SCAF4: variants seen among roughly 807,000 people sequenced by gnomAD.
The protein encoded by SCAF4 is SR-related and CTD-associated factor 4.
SCAF4 carries 25 observed loss-of-function variants against 129.8 expected under a neutral mutation model. That is an observed-to-expected ratio of 0.19 (90% CI 0.14 to 0.27). SCAF4 has a LOEUF of 0.27. SCAF4 is among the 10% of genes least tolerant of loss of function. The pLI, the probability that SCAF4 is intolerant of heterozygous loss-of-function variation, is 1.00. For missense variants in SCAF4, 1,246 were observed against 1,457.1 expected, an observed-to-expected ratio of 0.86 and a Z score of 2.36; for synonymous variants, 551 against 497.7, an observed-to-expected ratio of 1.11 and a Z score of -1.43.
rs2050382537 is a variant in SCAF4, at chr21:31,696,238, A to C, written c.960-17T>G. 6.3e-6 allele frequency: 10 copies of C among 1,588,476 alleles called. No homozygotes were observed. Among genetic ancestry groups the C allele is most frequent in the Non-Finnish European group, 8.6e-6 (10 of 1,156,988 alleles). ...GGAAAGCCACTAAAAAAAGGTGGAT[A>C]ATCTTTTACCCATTCAAAAGCACAA... On this transcript the variant is annotated splice_polypyrimidine_tract_variant and intron_variant, in intron 8 of 19. Transcript: ENST00000286835.
chr21:31,690,245 G>T (rs1389539988), intron 15 of SCAF4, among the ~76,000 whole-genome samples: 1 of 152,180 alleles, frequency 6.6e-6, no homozygotes, highest in Non-Finnish European at 1.5e-5. Context: ...AACTCTATGG[G>T]AGGTCGAGGT....
chr21:31,717,714 T>A (rs568892860), intron 1 of SCAF4, among the ~76,000 whole-genome samples: 1 of 150,892 alleles, frequency 6.6e-6, no homozygotes, highest in African/African-American at 2.4e-5. Flanking sequence ...AATTAAAAAA[T>A]TAAATTAAAA....
intron 12 of SCAF4, 63 bp from the exon 13 acceptor site, chr21:31,692,512 C>A: frequency 9.2e-7 from 1 of 1,083,686 alleles, no homozygotes; most frequent in Non-Finnish European, 1.4e-6. Context: ...CTGTAGCTTA[C>A]ATTAAAAAAT....
At chr21:31,675,275 AC>A (rs2049823698) in intron 19 of SCAF4, among the ~76,000 whole-genome samples, 1 of 152,178 alleles carries the variant, frequency 6.6e-6, no homozygotes, top group Admixed American at 6.5e-5. Flanking sequence ...GGTGCAGAAA[AC>A]CAAGTAATTT....
rs2050280954 is a variant in SCAF4 at position 31,692,418 on chromosome 21, C to T, written c.1545G>A (p.Leu515=). 7 of 1,613,806 alleles carry T rather than the reference C, an allele frequency of 4.3e-6. No individual in the cohort carries two copies. In the South Asian group the frequency reaches 4.4e-5, roughly 10 times the overall value. Residue 515 remains leucine (L), a synonymous_variant, in exon 13 of 20, where the codon CTG becomes CTA. Coordinates refer to ENST00000286835, the MANE Select transcript of SCAF4 (RefSeq NM_020706.2). ...VCSTTLWVGQ[L]DKRTTQQDVA... is the part of the protein sequence containing the mutation. ...CATCCTGCTGAGTAGTTCTTTTGTC[C>T]AGCTGCCCCACCCAGAGGGTAGTAC... is the stretch of plus-strand genomic sequence containing the variant.
chr21:31,673,593 C>G (rs2049771399), intron 19 of SCAF4, among the ~76,000 whole-genome samples: 1 of 151,012 alleles, frequency 6.6e-6, no homozygotes, highest in Admixed American at 6.6e-5. Context: ...AAGTACAGGA[C>G]ACCAGCTACA....
chr21:31,690,708 G>A (rs1050515785), intron 15 of SCAF4, 89 bp downstream of exon 15: 51 of 1,200,416 alleles, frequency 4.2e-5, no homozygotes, highest in East Asian at 9.6e-5. Context: ...CAAAAATCAC[G>A]TCCTAATGCA....
chr21:31,686,128 G>A (rs2050116181), intron 16 of SCAF4, among the ~76,000 whole-genome samples: 3 of 151,144 alleles, frequency 2.0e-5, no homozygotes, highest in Admixed American at 6.6e-5. Flanking sequence ...GCTTGAACTC[G>A]GGAGGTGGAG....
In SCAF4 at chr21:31,685,078, G is replaced by A; in HGVS notation, c.2459C>T (p.Pro820Leu). Residue 820 changes from proline (P) to leucine (L), a missense_variant, in exon 19 of 20, where the codon CCT becomes CTT. Coordinates refer to ENST00000286835, the MANE Select transcript of SCAF4 (RefSeq NM_020706.2). ...PPAAPTNLPT[P>L]PVTQPVSLLG... ...AAGTGAAACAGGCTGGGTTACAGGA[G>A]GGGTGGGCAGATTCGTGGGTGCAGC... is the stretch of plus-strand genomic sequence containing the variant. 2 of 1,612,456 alleles carry A rather than the reference G, an allele frequency of 1.2e-6. No homozygotes were observed. Among genetic ancestry groups the A allele is most frequent in the East Asian group, 2.2e-5 (1 of 44,862 alleles).
intron 1 of SCAF4, among the ~76,000 whole-genome samples, chr21:31,722,951 T>TA (rs954237202): frequency 2.8e-4 from 43 of 150,954 alleles, no homozygotes; most frequent in South Asian, 1.9e-3. Context: ...AGACTCCATC[T>TA]AAAAAAAAAG....
intron 1 of SCAF4, among the ~76,000 whole-genome samples, chr21:31,727,914 CT>C (rs1264232115): frequency 1.5e-5 from 1 of 66,944 alleles, no homozygotes; most frequent in Non-Finnish European, 2.8e-5. Flanking sequence ...ATAACTGATA[CT>C]TTTTCACTAC....
intron 19 of SCAF4, among the ~76,000 whole-genome samples, chr21:31,672,834 A>C (rs1490786444): frequency 2.6e-5 from 4 of 152,232 alleles, no homozygotes; most frequent in Non-Finnish European, 5.9e-5. Flanking sequence ...AACCCAGGAA[A>C]GAGGAAGATC....
At chr21:31,690,613 G>C (rs73353404) in intron 15 of SCAF4, among the ~76,000 whole-genome samples, 184 bp downstream of exon 15, 3,526 of 152,254 alleles carry the variant, frequency 0.023, 126 homozygotes, top group African/African-American at 0.08. Context: ...TATTTCACTT[G>C]TGTTTGCATC....
chr21:31,710,719 G>C (rs1450865784), intron 1 of SCAF4, among the ~76,000 whole-genome samples: 1 of 152,190 alleles, frequency 6.6e-6, no homozygotes, highest in African/African-American at 2.4e-5. Flanking sequence ...GGTTAATCAG[G>C]ATGCAAAACA....
At chr21:31,724,885 C>G (rs1409663290) in intron 1 of SCAF4, among the ~76,000 whole-genome samples, 1 of 152,246 alleles carries the variant, frequency 6.6e-6, no homozygotes, top group East Asian at 1.9e-4. Context: ...AAACAGAATA[C>G]TAGACAAAAT....
chr21:31,691,352 C>G (rs775806551), intron 14 of SCAF4, among the ~76,000 whole-genome samples: 1 of 152,134 alleles, frequency 6.6e-6, no homozygotes, highest in Non-Finnish European at 1.5e-5. Context: ...TGCAATCCAG[C>G]GGTAGAATGG....
At chr21:31,710,407 G>C (rs551610335) in intron 1 of SCAF4, among the ~76,000 whole-genome samples, 3 of 152,106 alleles carry the variant, frequency 2.0e-5, no homozygotes, top group Non-Finnish European at 4.4e-5. Context: ...AAATTAACTG[G>C]GTGTGGTGGC....
Position 31,672,089 on chromosome 21 carries a change from A to ATTCCT in SCAF4, c.2753_2754insAGGAA (p.Gly920MetfsTer166). Reference sequence around the variant, plus strand: ...GGCCCCCGAGCCCTGGCATTCCACCAGGCCTAACAAAGGGGCCATGCGGTG... The same window carrying ATTCCT: ...GGCCCCCGAGCCCTGGCATTCCACCATTCCTGGCCTAACAAAGGGGCCATGCGGTG... On this transcript the variant is annotated frameshift_variant, in exon 20 of 20. Transcript: ENST00000286835. LOFTEE classifies it high-confidence loss of function. The ATTCCT allele has an allele frequency of 6.2e-7, 1 of 1,613,188 alleles. No homozygotes were observed. The highest frequency in any genetic ancestry group is 8.5e-7 in the Non-Finnish European group (1 of 1,179,320).
intron 1 of SCAF4, among the ~76,000 whole-genome samples, chr21:31,726,939 C>T (rs1425298085): frequency 2.0e-5 from 3 of 152,008 alleles, no homozygotes; most frequent in Non-Finnish European, 2.9e-5. Flanking sequence ...TATTTGATTG[C>T]CTCTCCTGCA....
Sources: gnomAD v4.1 joint callset for allele counts (sites outside exome capture counted in the v4.1 genomes callset) on GRCh38, gnomAD v4.1.1 for gene constraint, MANE v1.5 for transcripts, NCBI Gene and HGNC (gene_info 2026-07-23, HGNC 2026-07-21) for gene names.